Variants in CEP70 observed in about 807,000 individuals in gnomAD.
CEP70 encodes the protein centrosomal protein of 70 kDa.
CEP70 carries 70 observed loss-of-function variants against 90.9 expected under a neutral mutation model. The observed-to-expected ratio is 0.77, with a 90% CI of 0.64 to 0.94. The LOEUF (loss-of-function observed/expected upper bound fraction) is 0.94. CEP70 is among the 40% of genes least tolerant of loss of function. The pLI is 0.00. For missense variants in CEP70, 648 were observed against 669.0 expected (o/e 0.97, Z 0.35); for synonymous variants, 220 against 228.3 (o/e 0.96, Z 0.33).
At chr3:138,556,972 C>T (rs575944781) in intron 6 of CEP70, among the ~76,000 whole-genome samples, 25 of 152,188 alleles carry the variant, frequency 1.6e-4, no homozygotes, top group Admixed American at 2.0e-4. Flanking sequence ...ATTTATTTGG[C>T]GGGAATTTCC....
intron 6 of CEP70, among the ~76,000 whole-genome samples, chr3:138,569,642 C>T (rs778701864): frequency 6.6e-6 from 1 of 152,114 alleles, no homozygotes; most frequent in Non-Finnish European, 1.5e-5. Flanking sequence ...CCGAGGCAGG[C>T]GGATCACTTG....
intron 3 of CEP70, among the ~76,000 whole-genome samples, chr3:138,571,679 AAG>A (rs2041184907): frequency 6.6e-6 from 1 of 152,236 alleles, no homozygotes; most frequent in Admixed American, 6.5e-5. Flanking sequence ...AGATTTAACT[AAG>A]CCAAACCAAG....
intron 16 of CEP70, among the ~76,000 whole-genome samples, chr3:138,498,435 T>A (rs2108654062): frequency 6.6e-6 from 1 of 151,660 alleles, no homozygotes; most frequent in Non-Finnish European, 1.5e-5. Context: ...CCTCCCGGGT[T>A]CACGCCATTC....
At chr3:138,556,958 C>G (rs1459671804) in intron 6 of CEP70, among the ~76,000 whole-genome samples, 1 of 152,078 alleles carries the variant, frequency 6.6e-6, no homozygotes, top group South Asian at 2.1e-4. Context: ...CCGGTCTGAC[C>G]AAAATTTATT....
chr3:138,500,735 C>T lies in CEP70; in HGVS notation c.1368G>A (p.Lys456=). The T allele has an allele frequency of 6.3e-7, 1 of 1,591,346 alleles. No individual in the cohort carries two copies. The highest frequency in any genetic ancestry group is 8.5e-7 in the Non-Finnish European group (1 of 1,170,848). Residue 456 remains lysine, a splice_region_variant and synonymous_variant, in exon 14 of 18, where the codon AAG becomes AAA. Coordinates refer to ENST00000264982, the MANE Select transcript of CEP70 (RefSeq NM_024491.4). ...TMLEEVENKE[K]DSNMPHFQTL... is the part of the protein sequence containing the mutation. ...AGGTGACCGTTCATGTAGGTATTAC[C>T]TTTTCCTTATTTTCAACTTCTTCCA... is the stretch of plus-strand genomic sequence containing the variant.
chr3:138,496,436 T>C (rs2033961842), intron 17 of CEP70: 3 of 985,298 alleles, frequency 3.0e-6, no homozygotes, highest in South Asian at 4.7e-5. Flanking sequence ...ACAATTCCCT[T>C]ACATTGTGGT....
At chr3:138,543,885 A>G (rs1054274049) in intron 6 of CEP70, among the ~76,000 whole-genome samples, 1 of 152,246 alleles carries the variant, frequency 6.6e-6, no homozygotes, top group Non-Finnish European at 1.5e-5. Flanking sequence ...ATGTAAAAAG[A>G]TGTAAACTGA....
Position 138,556,373 on chromosome 3 carries a change from CAA to C in CEP70, c.465+13943_465+13944del, listed in dbSNP as rs1219119022. 2.0e-5 allele frequency among the ~76,000 whole-genome samples: 3 copies of C among 151,876 alleles called. No homozygotes were observed. The East Asian group carries it at 5.8e-4, about 29-fold the overall frequency. On this transcript the variant is annotated intron_variant, in intron 6 of 17. Coordinates refer to ENST00000264982, the MANE Select transcript of CEP70 (RefSeq NM_024491.4). ...TGAAACCCCATCTCTACTAAAAATA[CAA>C]AAATTAGCTGGGCATGGTGGTGGGA...
At chr3:138,549,812 C>T (rs2039487024) in intron 6 of CEP70, among the ~76,000 whole-genome samples, 1 of 152,172 alleles carries the variant, frequency 6.6e-6, no homozygotes, top group South Asian at 2.1e-4. Context: ...GAGTCCATTT[C>T]ACTCCCATGC....
intron 6 of CEP70, among the ~76,000 whole-genome samples, chr3:138,565,300 C>G (rs2040703601): frequency 6.6e-6 from 1 of 152,094 alleles, no homozygotes; most frequent in African/African-American, 2.4e-5. Flanking sequence ...AATGCTATCC[C>G]CATCAAGCTA....
At chr3:138,506,848 C>A (rs1202073523) in intron 12 of CEP70, among the ~76,000 whole-genome samples, 1 of 152,132 alleles carries the variant, frequency 6.6e-6, no homozygotes, top group African/African-American at 2.4e-5. Flanking sequence ...CTCAAGTGAT[C>A]TTCCCATGTC....
intron 8 of CEP70, chr3:138,530,889 G>C (rs2037750805): frequency 1.0e-6 from 1 of 977,694 alleles, no homozygotes; most frequent in South Asian, 4.7e-5. Flanking sequence ...AAAGGAGACT[G>C]AGTTTATAAT....
chr3:138,587,093 C>T (rs2042141660), intron 2 of CEP70, among the ~76,000 whole-genome samples: 1 of 151,742 alleles, frequency 6.6e-6, no homozygotes, highest in Non-Finnish European at 1.5e-5. Flanking sequence ...TTAAAACAAA[C>T]TAAAATACAT....
At chr3:138,584,338 C>T (rs1025825492) in intron 2 of CEP70, among the ~76,000 whole-genome samples, 1 of 150,914 alleles carries the variant, frequency 6.6e-6, no homozygotes, top group South Asian at 2.1e-4. Flanking sequence ...TTCTACCAAA[C>T]ATTTAAAGAA....
intron 11 of CEP70, among the ~76,000 whole-genome samples, chr3:138,521,682 G>C (rs1307325132): frequency 2.0e-5 from 3 of 148,580 alleles, no homozygotes; most frequent in Admixed American, 2.0e-4. Flanking sequence ...GAGCGCCTCT[G>C]CCCGGCCGCC....
intron 6 of CEP70, among the ~76,000 whole-genome samples, chr3:138,548,649 C>T (rs552383286): frequency 3.7e-4 from 57 of 152,258 alleles, no homozygotes; most frequent in Middle Eastern, 3.4e-3. Context: ...CCATGAACTA[C>T]AGTGTAAAGA....
intron 2 of CEP70, among the ~76,000 whole-genome samples, chr3:138,582,587 T>C (rs984600892): frequency 1.3e-5 from 2 of 151,226 alleles, no homozygotes; most frequent in Non-Finnish European, 2.9e-5. Flanking sequence ...CTGGCCAACA[T>C]AGTGAAACCC....
chr3:138,522,937 A>C lies in CEP70; in HGVS notation c.944+2553T>G, dbSNP rs1464095871. On this transcript the variant is annotated intron_variant, in intron 11 of 17. Transcript: ENST00000264982. The stretch of plus-strand genomic sequence containing the variant: ...ACACAACAAAAAAAGAGAATTTTAG[A>C]CCAATATCCCTGATGAACATCGATG... Among the ~76,000 whole-genome samples, 4 of 152,184 alleles carry C rather than the reference A, an allele frequency of 2.6e-5. No individual in the cohort carries two copies. In the East Asian group the frequency reaches 7.7e-4, roughly 29 times the overall value.
intron 11 of CEP70, among the ~76,000 whole-genome samples, chr3:138,519,554 A>T (rs967456620): frequency 6.6e-6 from 1 of 152,216 alleles, no homozygotes; most frequent in Non-Finnish European, 1.5e-5. Context: ...AAGAATTTTC[A>T]ACCCAGAATT....
Sources: allele counts gnomAD v4.1 joint callset (sites outside exome capture counted in the v4.1 genomes callset), GRCh38; gene constraint gnomAD v4.1.1; transcripts MANE v1.5; gene names NCBI Gene and HGNC (gene_info 2026-07-23, HGNC 2026-07-21).